Variants in NARF observed in about 807,000 individuals in gnomAD.
The protein encoded by NARF is nuclear prelamin A recognition factor, also known as iron-only hydrogenase-like protein 2.
NARF carries 41 observed loss-of-function variants against 48.0 expected under a neutral mutation model. The ratio of observed to expected loss-of-function variants is 0.85; its 90% CI spans 0.66 to 1.11. The LOEUF (loss-of-function observed/expected upper bound fraction) is 1.11, where lower values mean the gene tolerates loss of function less well. NARF is among the 50% of genes least tolerant of loss of function. NARF has a pLI of 0.00. For missense variants in NARF, 613 were observed against 590.2 expected, an observed-to-expected ratio of 1.04 and a Z score of -0.40; for synonymous variants, 215 against 225.5, an observed-to-expected ratio of 0.95 and a Z score of 0.42.
At chr17:82,461,462 T>C (rs1054225310) in intron 2 of NARF, among the ~76,000 whole-genome samples, 2 of 152,054 alleles carry the variant, frequency 1.3e-5, no homozygotes, top group African/African-American at 2.4e-5. Flanking sequence ...AAATACAAAA[T>C]TAGCTGGGCG....
chr17:82,459,093 C>T (rs1353679976), intron 1 of NARF: 1 of 1,190,884 alleles, frequency 8.4e-7, no homozygotes, highest in Non-Finnish European at 1.0e-6. Flanking sequence ...GCACGGAGAC[C>T]GAGCCTCTCG....
At chr17:82,474,514 A>G (rs902565203) in intron 5 of NARF, among the ~76,000 whole-genome samples, 5 of 152,220 alleles carry the variant, frequency 3.3e-5, no homozygotes, top group Admixed American at 2.0e-4. Context: ...AAATTATTCT[A>G]CTACATGAGG....
At chr17:82,471,228 G>C (rs2043693873) in intron 4 of NARF, among the ~76,000 whole-genome samples, 1 of 151,676 alleles carries the variant, frequency 6.6e-6, no homozygotes, top group South Asian at 2.1e-4. Flanking sequence ...GGCCGAGGTG[G>C]GCGGATCACG....
At chr17:82,465,499 G>T (rs2043543630) in intron 3 of NARF, among the ~76,000 whole-genome samples, 1 of 152,148 alleles carries the variant, frequency 6.6e-6, no homozygotes, top group Non-Finnish European at 1.5e-5. Context: ...GTGGCATAGG[G>T]GACAGCCAAG....
chr17:82,458,733 G>T, upstream of NARF: 5 of 1,455,102 alleles, frequency 3.4e-6, no homozygotes, highest in South Asian at 4.2e-5. Flanking sequence ...CGGGCGGCGG[G>T]CAGTGGTGTC....
At chr17:82,478,676 TG>T in intron 5 of NARF, 123 bp from the exon 6 acceptor site, 3 of 1,013,962 alleles carry the variant, frequency 3.0e-6, no homozygotes, top group Non-Finnish European at 4.6e-6. Context: ...TGGTAAGGCC[TG>T]GGGAAAAGGT....
Position 82,474,591 on chromosome 17 carries a change from C to G in NARF, c.520+1893C>G, listed in dbSNP as rs143317897. ...GCTGTATAATTTTTAGGGTTTGGTT[C>G]ACGTTTCAGTTCTTAATTTATGCTC... On this transcript the variant is annotated intron_variant, in intron 5 of 10. Coordinates refer to ENST00000309794, the MANE Select transcript of NARF (RefSeq NM_012336.4). Among the ~76,000 whole-genome samples, 3 of 152,310 alleles carry G rather than the reference C, an allele frequency of 2.0e-5. No homozygotes were observed. The East Asian group carries it at 5.8e-4, about 29-fold the overall frequency.
At chr17:82,472,100 G>A (rs1214969238) in intron 4 of NARF, among the ~76,000 whole-genome samples, 1 of 152,162 alleles carries the variant, frequency 6.6e-6, no homozygotes. Flanking sequence ...TAAGAACCAA[G>A]ACTGATTTTA....
intron 10 of NARF, among the ~76,000 whole-genome samples, chr17:82,486,838 ACTCT>A (rs2044106136): frequency 6.6e-6 from 1 of 152,056 alleles, no homozygotes; most frequent in African/African-American, 2.4e-5. Flanking sequence ...TTTTAAATGA[ACTCT>A]TACACTACTA....
At chr17:82,464,484 A>T (rs996122622) in intron 3 of NARF, 54 bp downstream of exon 3, 1 of 1,565,562 alleles carries the variant, frequency 6.4e-7, no homozygotes. Context: ...GAGGAAGTGG[A>T]GGTGAGGCCT....
At chr17:82,466,726 T>C (rs2043578474) in intron 3 of NARF, among the ~76,000 whole-genome samples, 1 of 152,154 alleles carries the variant, frequency 6.6e-6, no homozygotes, top group African/African-American at 2.4e-5. Flanking sequence ...GTGCTGGGAT[T>C]ACAGACGTGA....
At chr17:82,461,755 C>A (rs1330563033) in intron 2 of NARF, among the ~76,000 whole-genome samples, 1 of 152,170 alleles carries the variant, frequency 6.6e-6, no homozygotes, top group Non-Finnish European at 1.5e-5. Context: ...GTACTAGTAC[C>A]AGTTTATAAA....
At chr17:82,465,157 C>T (rs1166196699) in intron 3 of NARF, among the ~76,000 whole-genome samples, 1 of 152,080 alleles carries the variant, frequency 6.6e-6, no homozygotes, top group Non-Finnish European at 1.5e-5. Context: ...AGGTGCTGCA[C>T]CCTTGTAAAC....
At chr17:82,486,792 G>C (rs751490669) in intron 10 of NARF, among the ~76,000 whole-genome samples, 2 of 152,216 alleles carry the variant, frequency 1.3e-5, no homozygotes, top group Non-Finnish European at 2.9e-5. Flanking sequence ...AACCCATGGG[G>C]AGTGAGGTTT....
Position 82,464,409 on chromosome 17 carries a change from C to G in NARF, c.231C>G (p.Phe77Leu). 1 of 1,613,808 alleles carries G rather than the reference C, an allele frequency of 6.2e-7. No individual in the cohort carries two copies. Among genetic ancestry groups the G allele is most frequent in the Non-Finnish European group, 8.5e-7 (1 of 1,179,806 alleles). Residue 77 changes from phenylalanine (F) to leucine (L), a missense_variant, in exon 3 of 11, where the codon TTC becomes TTG. Physicochemically the swap from Phe to Leu is conservative, Grantham distance 22. Coordinates refer to ENST00000309794, the MANE Select transcript of NARF (RefSeq NM_012336.4). ...QLSQQNAKDFFRVLNLNKKCD... is the reference protein window; with the variant it reads ...QLSQQNAKDFLRVLNLNKKCD... ...CCCAGCAAAATGCCAAGGACTTCTT[C>G]CGCGTTCTGAACCTTAACAAGGTAA...
chr17:82,465,050 C>T (rs1182536409), intron 3 of NARF, among the ~76,000 whole-genome samples: 1 of 152,174 alleles, frequency 6.6e-6, no homozygotes, highest in African/African-American at 2.4e-5. Flanking sequence ...CTACAGGAGA[C>T]ATGGCTGGGG....
intron 10 of NARF, among the ~76,000 whole-genome samples, chr17:82,486,273 C>T (rs2143967903): frequency 6.6e-6 from 1 of 152,280 alleles, no homozygotes; most frequent in Middle Eastern, 3.4e-3. Context: ...GGACCCTCTG[C>T]CCCTGACCCA....
chr17:82,484,591 C>T (rs1386892146), intron 8 of NARF: 3 of 456,706 alleles, frequency 6.6e-6, no homozygotes, highest in Admixed American at 4.1e-5. Flanking sequence ...ATGGGCTCGG[C>T]GTGACTGAGA....
rs959982897 is a variant in NARF at position 82,468,875 on chromosome 17, T to C, written c.364T>C (p.Cys122Arg). ...TGTAACTGATGCATCCAGAAGACTCTGTGGTTTCCTCAAAAGTCTTGGTGA... is the reference window on the plus strand; with the variant it reads ...TGTAACTGATGCATCCAGAAGACTCCGTGGTTTCCTCAAAAGTCTTGGTGA... ...LSVTDASRRL[C>R]GFLKSLGVHY... Residue 122 changes from cysteine (C) to arginine (R), a missense_variant, in exon 4 of 11, where the codon TGT (cysteine) becomes CGT (arginine). Physicochemically the swap from Cys to Arg is radical, Grantham distance 180. Coordinates refer to ENST00000309794, the MANE Select transcript of NARF (RefSeq NM_012336.4). The C allele has an allele frequency of 1.2e-5, 20 of 1,613,800 alleles. No homozygotes were observed. The highest frequency in any genetic ancestry group is 1.4e-5 in the Non-Finnish European group (17 of 1,179,966).
Sources: gnomAD v4.1 joint callset for allele counts (sites outside exome capture counted in the v4.1 genomes callset) on GRCh38, gnomAD v4.1.1 for gene constraint, MANE v1.5 for transcripts, NCBI Gene and HGNC (gene_info 2026-07-23, HGNC 2026-07-21) for gene names.